ATRNL1: variants seen among roughly 807,000 people sequenced by gnomAD.
The protein encoded by ATRNL1 is attractin like 1, also known as attractin-like protein 1.
ATRNL1 carries 95 observed loss-of-function variants against 182.7 expected under a neutral mutation model. The ratio of observed to expected loss-of-function variants is 0.52; its 90% confidence interval spans 0.44 to 0.62. The LOEUF (loss-of-function observed/expected upper bound fraction) is 0.62. Among genes scored for constraint, ATRNL1 ranks in the 20% least tolerant of loss-of-function variants. ATRNL1 has a pLI of 0.00. For synonymous variants in ATRNL1, 576 were observed against 568.3 expected, an observed-to-expected ratio of 1.01 and a Z score of -0.19; for missense variants, 1,471 against 1,679.5, an observed-to-expected ratio of 0.88 and a Z score of 2.17.
chr10:115,446,147 C>A (rs1846974964), intron 21 of ATRNL1, among the ~76,000 whole-genome samples: 1 of 151,324 alleles, frequency 6.6e-6, no homozygotes, highest in African/African-American at 2.4e-5. Flanking sequence ...TATGTGCTAC[C>A]CTTCAACTCA....
At chr10:115,151,614 A>G (rs1846233665) in intron 5 of ATRNL1, among the ~76,000 whole-genome samples, 1 of 152,130 alleles carries the variant, frequency 6.6e-6, no homozygotes, top group African/African-American at 2.4e-5. Flanking sequence ...GATTCTGGAT[A>G]TTAGCCCTTT....
intron 22 of ATRNL1, among the ~76,000 whole-genome samples, chr10:115,463,067 A>G (rs1180112144): frequency 1.3e-5 from 2 of 151,770 alleles, no homozygotes; most frequent in African/African-American, 2.4e-5. Flanking sequence ...TTGTTAAATG[A>G]TATGTTAAAT....
intron 26 of ATRNL1, among the ~76,000 whole-genome samples, chr10:115,713,723 T>TCATCTATCTAGCTATCTAG (rs1947157300): frequency 2.0e-5 from 3 of 151,492 alleles, no homozygotes; most frequent in African/African-American, 7.3e-5. Flanking sequence ...TATCTATCTA[T>TCATCTATCTAGCTATCTAG]CTATCTATCT....
At chr10:115,928,437 C>T (rs1953299408) in intron 28 of ATRNL1, among the ~76,000 whole-genome samples, 1 of 151,944 alleles carries the variant, frequency 6.6e-6, no homozygotes, top group Admixed American at 6.6e-5. Context: ...ACTTCATAAG[C>T]TTTTCCTTAC....
chr10:115,757,902 C>A (rs1555072465), intron 27 of ATRNL1, among the ~76,000 whole-genome samples: 1 of 151,618 alleles, frequency 6.6e-6, no homozygotes, highest in Non-Finnish European at 1.5e-5. Context: ...TGCTTTATTT[C>A]ATTGGGTTGA....
intron 27 of ATRNL1, among the ~76,000 whole-genome samples, chr10:115,727,887 G>A (rs1555060850): frequency 1.3e-5 from 2 of 152,024 alleles, no homozygotes; most frequent in African/African-American, 4.8e-5. Flanking sequence ...CAGAAATAGA[G>A]TATGATGAAA....
At chr10:115,744,987 G>A (rs1281228214) in intron 27 of ATRNL1, among the ~76,000 whole-genome samples, 1 of 152,094 alleles carries the variant, frequency 6.6e-6, no homozygotes. Context: ...AGTGTGTGCA[G>A]TCATACAGTG....
chr10:115,465,438 A>T (rs1360347303), intron 22 of ATRNL1, among the ~76,000 whole-genome samples: 2 of 151,792 alleles, frequency 1.3e-5, no homozygotes, highest in South Asian at 2.1e-4. Flanking sequence ...ACAGTCAAAG[A>T]GTTGCTCAGT....
chr10:115,865,261 T>C lies in ATRNL1; in HGVS notation c.4018+17270T>C, dbSNP rs782179508. Among the ~76,000 whole-genome samples the C allele has an allele frequency of 9.2e-5, 14 of 152,226 alleles. No homozygotes were observed. In the South Asian group the frequency reaches 1.4e-3, roughly 16 times the overall value. ...GTTGATTTTCCAGTGTTAATCATTG[T>C]ACTCTGGTTATGTAAAATGTTTTCA... On this transcript the variant is annotated intron_variant, in intron 28 of 28. Transcript: ENST00000355044.
intron 26 of ATRNL1, among the ~76,000 whole-genome samples, chr10:115,592,117 A>G (rs1296212504): frequency 6.6e-6 from 1 of 152,190 alleles, no homozygotes; most frequent in Non-Finnish European, 1.5e-5. Flanking sequence ...GGAGCTAAAC[A>G]TTTGATACAC....
intron 8 of ATRNL1, among the ~76,000 whole-genome samples, chr10:115,200,653 G>C (rs1448145298): frequency 1.4e-5 from 2 of 140,234 alleles, no homozygotes; most frequent in Admixed American, 1.4e-4. Context: ...TTGGTTCCAA[G>C]TCTTTGCTAT....
At chr10:115,462,303 C>T (rs191095672) in intron 22 of ATRNL1, among the ~76,000 whole-genome samples, 14 of 152,024 alleles carry the variant, frequency 9.2e-5, no homozygotes, top group South Asian at 2.1e-4. Flanking sequence ...TATACAAGCA[C>T]GGACTGTTCT....
intron 26 of ATRNL1, among the ~76,000 whole-genome samples, chr10:115,607,521 T>C (rs1013324351): frequency 7.9e-5 from 12 of 151,978 alleles, no homozygotes; most frequent in Admixed American, 5.9e-4. Context: ...TTTGCCCTAA[T>C]ACCAATTCTA....
chr10:115,352,663 C>T (rs538530214), intron 19 of ATRNL1, among the ~76,000 whole-genome samples: 11 of 152,092 alleles, frequency 7.2e-5, no homozygotes, highest in Admixed American at 3.3e-4. Context: ...TTTGGGAGGC[C>T]GAGGCAGCTG....
At chr10:115,279,672 G>A (rs1294372944) in intron 13 of ATRNL1, among the ~76,000 whole-genome samples, 1 of 152,182 alleles carries the variant, frequency 6.6e-6, no homozygotes, top group Non-Finnish European at 1.5e-5. Flanking sequence ...CAGGGAAGGA[G>A]CATTCTACCA....
chr10:115,329,854 G>A (rs1554934504), intron 18 of ATRNL1, among the ~76,000 whole-genome samples: 1 of 152,018 alleles, frequency 6.6e-6, no homozygotes, highest in African/African-American at 2.4e-5. Flanking sequence ...TTTATTTGGA[G>A]AATTTAAGCC....
In ATRNL1 at chr10:115,230,870, T is replaced by TGAGAGAGAGAGAGAGAGA. The variant is rs1169884107; in HGVS notation, c.1533-10666_1533-10649dup. The stretch of plus-strand genomic sequence containing the variant: ...ACTAGGGGACTGGATATAGAGTGGA[T>TGAGAGAGAGAGAGAGAGA]GAGAGAGAGAGAGAGAGAGAGAGAG... On this transcript the variant is annotated intron_variant, in intron 9 of 28. Coordinates refer to ENST00000355044, the MANE Select transcript of ATRNL1 (RefSeq NM_207303.4). 3.0e-3 allele frequency among the ~76,000 whole-genome samples: 251 copies of TGAGAGAGAGAGAGAGAGA among 83,718 alleles called. 5 individuals are homozygous for TGAGAGAGAGAGAGAGAGA. The highest frequency in any genetic ancestry group is 7.9e-3 in the Middle Eastern group (1 of 126). 54.9% of individuals were successfully genotyped at this position (83,718 alleles called of 152,430 possible). A position where few individuals can be genotyped will look rare whatever the true frequency, so the allele number is the denominator to read the frequency against.
At chr10:115,164,814 C>T (rs911317850) in intron 6 of ATRNL1, among the ~76,000 whole-genome samples, 2 of 151,894 alleles carry the variant, frequency 1.3e-5, no homozygotes, top group Non-Finnish European at 2.9e-5. Context: ...GCTACCACAG[C>T]ATGAGAAGAG....
intron 18 of ATRNL1, among the ~76,000 whole-genome samples, chr10:115,317,014 C>T (rs1854332294): frequency 6.6e-6 from 1 of 152,088 alleles, no homozygotes; most frequent in South Asian, 2.1e-4. Context: ...AATGTTATTG[C>T]CTAGGTTTTC....
Sources: allele counts gnomAD v4.1 joint callset (sites outside exome capture counted in the v4.1 genomes callset), GRCh38; gene constraint gnomAD v4.1.1; transcripts MANE v1.5; gene names NCBI Gene and HGNC (gene_info 2026-07-23, HGNC 2026-07-21).